RABGAP1L: variants seen among roughly 807,000 people sequenced by gnomAD.
RABGAP1L encodes rab GTPase-activating protein 1-like.
A neutral mutation model predicts 137.7 loss-of-function variants in RABGAP1L; 63 were observed. The observed-to-expected ratio is 0.46, with a 90% CI of 0.37 to 0.56. The LOEUF (loss-of-function observed/expected upper bound fraction) is 0.56, where lower values mean the gene tolerates loss of function less well. Ranked by LOEUF, RABGAP1L falls within the 20% of genes least tolerant of loss-of-function variation. The probability of loss-of-function intolerance (pLI) is 0.00; values close to 1 mark genes in which losing one functional copy is unlikely to be tolerated. For missense variants in RABGAP1L, 1,095 were observed against 1,244.0 expected (o/e 0.88, Z 1.80); for synonymous variants, 431 against 433.7 (o/e 0.99, Z 0.08).
chr1:174,679,902 A>G (rs1387990125), intron 14 of RABGAP1L, among the ~76,000 whole-genome samples: 1 of 152,200 alleles, frequency 6.6e-6, no homozygotes, highest in Non-Finnish European at 1.5e-5. Context: ...TAGAACATAG[A>G]CTTACCAGGT....
intron 13 of RABGAP1L, among the ~76,000 whole-genome samples, chr1:174,444,862 G>GT (rs1654568501): frequency 6.6e-6 from 1 of 151,714 alleles, no homozygotes; most frequent in Non-Finnish European, 1.5e-5. Context: ...TGTTGATTTT[G>GT]TTTATCTTTT....
intron 13 of RABGAP1L, among the ~76,000 whole-genome samples, chr1:174,505,246 A>G (rs772919325): frequency 3.3e-5 from 5 of 152,192 alleles, no homozygotes; most frequent in Non-Finnish European, 7.3e-5. Flanking sequence ...GAAAAGCTAT[A>G]ATATGATTTA....
At chr1:174,653,488 A>G (rs1675718048) in intron 14 of RABGAP1L, among the ~76,000 whole-genome samples, 1 of 152,180 alleles carries the variant, frequency 6.6e-6, no homozygotes, top group Non-Finnish European at 1.5e-5. Context: ...TATCTGGGCC[A>G]GATTGCATTG....
At chr1:174,875,713 G>C (rs1278947038) in intron 19 of RABGAP1L, 1 of 983,912 alleles carries the variant, frequency 1.0e-6, no homozygotes, top group Non-Finnish European at 1.2e-6. Context: ...GAGTTTAAAA[G>C]GTATGAACTG....
rs189035244 is a variant in RABGAP1L, at chr1:174,571,315, C to G, written c.1711-66060C>G. Among the ~76,000 whole-genome samples the G allele has an allele frequency of 6.5e-3, 985 of 150,724 alleles. 8 individuals are homozygous for G. The highest frequency in any genetic ancestry group is 0.023 in the African/African-American group (951 of 41,086). ...AGGGTTGCAGGGGAGGAGGGATGGG[C>G]AAAAAAAATAATTAGAAAGAATGAG... On this transcript the variant is annotated intron_variant, in intron 13 of 25. Coordinates refer to ENST00000681986, the MANE Select transcript of RABGAP1L (RefSeq NM_001366446.1).
chr1:174,986,998 G>A (rs535149488), intron 24 of RABGAP1L, among the ~76,000 whole-genome samples: 43 of 152,274 alleles, frequency 2.8e-4, no homozygotes, highest in African/African-American at 9.9e-4. Context: ...ATTATTCTCA[G>A]AGGTTCTTAA....
intron 10 of RABGAP1L, among the ~76,000 whole-genome samples, chr1:174,288,765 A>C (rs2148710750): frequency 6.6e-6 from 1 of 152,102 alleles, no homozygotes. Context: ...GGATCTTTTC[A>C]GCCATTATTT....
chr1:174,849,072 C>A (rs909402270), intron 19 of RABGAP1L, among the ~76,000 whole-genome samples: 2 of 152,212 alleles, frequency 1.3e-5, no homozygotes, highest in Admixed American at 6.5e-5. Context: ...GGCAATGCCT[C>A]GCCCTGCTTC....
intron 1 of RABGAP1L, among the ~76,000 whole-genome samples, chr1:174,215,432 G>A (rs1393225536): frequency 6.6e-6 from 1 of 150,922 alleles, no homozygotes; most frequent in Non-Finnish European, 1.5e-5. Context: ...ATTCCAGCCT[G>A]GGCGACAAGA....
At chr1:174,252,400 G>T (rs770930333) in intron 6 of RABGAP1L, 80 bp from the exon 7 acceptor site, 1 of 1,529,718 alleles carries the variant, frequency 6.5e-7, no homozygotes. Flanking sequence ...ATACTTTGTT[G>T]TTTTGTTCTA....
At chr1:174,627,450 G>C (rs1325611566) in intron 13 of RABGAP1L, among the ~76,000 whole-genome samples, 5 of 152,204 alleles carry the variant, frequency 3.3e-5, no homozygotes, top group Non-Finnish European at 7.3e-5. Context: ...AAACATGTCA[G>C]TGTATATACG....
At chr1:174,436,133 T>G (rs1653266243) in intron 13 of RABGAP1L, among the ~76,000 whole-genome samples, 1 of 152,224 alleles carries the variant, frequency 6.6e-6, no homozygotes. Context: ...CATGTGTCTT[T>G]ATAGCAGCAT....
chr1:174,732,183 G>T (rs2568098), intron 17 of RABGAP1L, among the ~76,000 whole-genome samples: 52,977 of 149,056 alleles, frequency 0.36, 11,762 homozygotes, highest in African/African-American at 0.64. Context: ...TGGCGACAGA[G>T]TGAGACCCCA....
At chr1:174,876,049 G>A (rs1192968763) in intron 19 of RABGAP1L, among the ~76,000 whole-genome samples, 1 of 152,080 alleles carries the variant, frequency 6.6e-6, no homozygotes, top group Non-Finnish European at 1.5e-5. Flanking sequence ...GAATGCTATA[G>A]CAGTTGTAAA....
chr1:174,507,882 T>G (rs996520729), intron 13 of RABGAP1L, among the ~76,000 whole-genome samples: 2 of 152,172 alleles, frequency 1.3e-5, no homozygotes, highest in African/African-American at 4.8e-5. Context: ...GCAAGATTTT[T>G]AAATGTAAAA....
intron 19 of RABGAP1L, among the ~76,000 whole-genome samples, chr1:174,861,199 CTG>C (rs1247366177): frequency 6.6e-6 from 1 of 152,116 alleles, no homozygotes; most frequent in African/African-American, 2.4e-5. Flanking sequence ...ATTTGTCTTT[CTG>C]TGTCTGGCTT....
At chr1:174,666,938 T>C (rs927761373) in intron 14 of RABGAP1L, among the ~76,000 whole-genome samples, 4 of 150,636 alleles carry the variant, frequency 2.7e-5, no homozygotes, top group Non-Finnish European at 5.9e-5. Flanking sequence ...CCTGTGAAAA[T>C]TTATTTTCAA....
intron 13 of RABGAP1L, among the ~76,000 whole-genome samples, chr1:174,398,628 T>C (rs1648171463): frequency 6.6e-6 from 1 of 152,314 alleles, no homozygotes; most frequent in Middle Eastern, 3.4e-3. Flanking sequence ...AGACTTTTTC[T>C]TAAGCACCAA....
chr1:174,572,549 A>AT (rs1307469234), intron 13 of RABGAP1L, among the ~76,000 whole-genome samples: 3 of 151,948 alleles, frequency 2.0e-5, no homozygotes, highest in East Asian at 3.9e-4. Context: ...CGCCCAGCTA[A>AT]TTTTTGTATT....
Sources: allele counts gnomAD v4.1 joint callset (sites outside exome capture counted in the v4.1 genomes callset), GRCh38; gene constraint gnomAD v4.1.1; transcripts MANE v1.5; gene names NCBI Gene and HGNC (gene_info 2026-07-23, HGNC 2026-07-21).